CNTN3: variants seen among roughly 807,000 people sequenced by gnomAD.
CNTN3 encodes contactin 3.
Under a neutral mutation model 119.1 loss-of-function variants are expected in CNTN3, and 60 were observed. That is an observed-to-expected ratio of 0.50 (90% confidence interval 0.41 to 0.62). CNTN3 has a LOEUF of 0.62. CNTN3 is among the 20% of genes least tolerant of loss of function. The pLI, the probability that CNTN3 is intolerant of heterozygous loss-of-function variation, is 0.00. For synonymous variants in CNTN3, 450 were observed against 438.7 expected, an observed-to-expected ratio of 1.03 and a Z score of -0.32; for missense variants, 1,101 against 1,242.4, an observed-to-expected ratio of 0.89 and a Z score of 1.71.
intron 5 of CNTN3, among the ~76,000 whole-genome samples, chr3:74,388,734 G>A (rs1001265595): frequency 4.6e-5 from 7 of 152,068 alleles, no homozygotes; most frequent in Admixed American, 6.6e-5. Context: ...AAGATAAAAC[G>A]GACTGGCCTT....
chr3:74,356,459 G>C (rs149565362), intron 11 of CNTN3, among the ~76,000 whole-genome samples: 1 of 152,086 alleles, frequency 6.6e-6, no homozygotes, highest in Non-Finnish European at 1.5e-5. Flanking sequence ...CCCTAATTTG[G>C]AGATAAGAGC....
chr3:74,349,998 A>G (rs997900129), intron 11 of CNTN3, among the ~76,000 whole-genome samples: 1 of 152,222 alleles, frequency 6.6e-6, no homozygotes, highest in African/African-American at 2.4e-5. Flanking sequence ...CTGACGAAAT[A>G]TATTTTAAGG....
chr3:74,371,390 T>C lies in CNTN3; in HGVS notation c.464A>G (p.Tyr155Cys), dbSNP rs754428124. Residue 155 changes from tyrosine (Y) to cysteine (C), a missense_variant, in exon 6 of 23, where the codon TAT becomes TGT. Coordinates refer to ENST00000263665, the MANE Select transcript of CNTN3 (RefSeq NM_020872.3). ...GPPPHSGELS[Y>C]AWIFNEYPSF... Reference sequence around the variant, plus strand: ...TGGGTATTCATTGAAGATCCAAGCATATGACAGTTCTAATAAAATTGTTGA... The same window carrying C: ...TGGGTATTCATTGAAGATCCAAGCACATGACAGTTCTAATAAAATTGTTGA... 7 of 1,611,902 alleles carry C rather than the reference T, an allele frequency of 4.3e-6. No homozygotes were observed. The South Asian group carries it at 7.7e-5, about 18-fold the overall frequency.
intron 1 of CNTN3, among the ~76,000 whole-genome samples, chr3:74,557,740 A>AAG (rs1704092546): frequency 6.6e-6 from 1 of 151,618 alleles, no homozygotes; most frequent in African/African-American, 2.4e-5. Flanking sequence ...AAAAAAAAAA[A>AAG]AAGAAGGAAA....
chr3:74,301,295 G>T, intron 16 of CNTN3, 103 bp downstream of exon 16: 1 of 1,184,600 alleles, frequency 8.4e-7, no homozygotes, highest in East Asian at 2.3e-5. Context: ...CTGCAACAAT[G>T]GATTATTGAG....
At chr3:74,562,518 A>C (rs1397490044) in intron 1 of CNTN3, among the ~76,000 whole-genome samples, 5 of 152,194 alleles carry the variant, frequency 3.3e-5, no homozygotes, top group Admixed American at 3.3e-4. Flanking sequence ...CATGGACACA[A>C]ATTATATCCA....
At chr3:74,320,523 T>TG (rs1324441786) in intron 13 of CNTN3, among the ~76,000 whole-genome samples, 1 of 151,074 alleles carries the variant, frequency 6.6e-6, no homozygotes, top group Admixed American at 6.6e-5. Flanking sequence ...TGTTGTGGGG[T>TG]GGGGGGACGT....
intron 4 of CNTN3, among the ~76,000 whole-genome samples, chr3:74,474,870 G>A (rs957349689): frequency 6.6e-6 from 1 of 152,108 alleles, no homozygotes; most frequent in Non-Finnish European, 1.5e-5. Context: ...TCTTAAAAGT[G>A]TGTGGTTCCT....
At chr3:74,459,745 C>T (rs1300889552) in intron 4 of CNTN3, among the ~76,000 whole-genome samples, 1 of 151,928 alleles carries the variant, frequency 6.6e-6, no homozygotes, top group South Asian at 2.1e-4. Flanking sequence ...GGTAGTGTGC[C>T]CAAATACCCA....
intron 5 of CNTN3, among the ~76,000 whole-genome samples, chr3:74,412,415 G>C (rs9859709): frequency 0.022 from 3,360 of 152,238 alleles, 117 homozygotes; most frequent in African/African-American, 0.076. Context: ...GCTACTTTCA[G>C]ATACTACAGG....
chr3:74,271,315 C>T (rs1278087986), intron 20 of CNTN3, among the ~76,000 whole-genome samples: 1 of 152,100 alleles, frequency 6.6e-6, no homozygotes. Flanking sequence ...ATAAGAGAAA[C>T]TTTTCATAGA....
chr3:74,567,203 C>A (rs771605697), intron 1 of CNTN3, among the ~76,000 whole-genome samples: 1 of 151,914 alleles, frequency 6.6e-6, no homozygotes, highest in Non-Finnish European at 1.5e-5. Flanking sequence ...AGTACAGACA[C>A]AATCACAGTT....
chr3:74,549,910 T>C (rs1261319770), intron 1 of CNTN3, among the ~76,000 whole-genome samples: 1 of 152,236 alleles, frequency 6.6e-6, no homozygotes, highest in Non-Finnish European at 1.5e-5. Flanking sequence ...ACATGCCATC[T>C]GCAGTGGAGA....
intron 4 of CNTN3, among the ~76,000 whole-genome samples, chr3:74,456,586 A>G (rs1702274661): frequency 6.6e-6 from 1 of 152,132 alleles, no homozygotes; most frequent in Non-Finnish European, 1.5e-5. Flanking sequence ...ATTTACCATT[A>G]GGAGGTATGT....
At chr3:74,473,342 A>C (rs1175901387) in intron 4 of CNTN3, among the ~76,000 whole-genome samples, 1 of 152,160 alleles carries the variant, frequency 6.6e-6, no homozygotes, top group Non-Finnish European at 1.5e-5. Flanking sequence ...CAGGTCAGAG[A>C]TCATTAACCA....
At chr3:74,568,437 C>G (rs1391049311) in intron 1 of CNTN3, among the ~76,000 whole-genome samples, 2 of 152,188 alleles carry the variant, frequency 1.3e-5, no homozygotes, top group Non-Finnish European at 2.9e-5. Context: ...TATCTGGAAA[C>G]AGTAAACTGA....
chr3:74,340,081 C>G (rs1298268938), intron 11 of CNTN3, among the ~76,000 whole-genome samples: 1 of 151,978 alleles, frequency 6.6e-6, no homozygotes, highest in Admixed American at 6.6e-5. Context: ...TATGGTATAA[C>G]AACTGTTTAC....
intron 11 of CNTN3, among the ~76,000 whole-genome samples, chr3:74,356,515 T>A (rs947365969): frequency 3.3e-5 from 5 of 152,068 alleles, no homozygotes; most frequent in Non-Finnish European, 7.3e-5. Context: ...CCAATTGAGT[T>A]TTATTGTACC....
At chr3:74,317,466 T>C (rs913794154) in intron 13 of CNTN3, among the ~76,000 whole-genome samples, 1 of 152,190 alleles carries the variant, frequency 6.6e-6, no homozygotes, top group Non-Finnish European at 1.5e-5. Flanking sequence ...GTTTTTGCAG[T>C]GGCTGGTACC....
Sources: gnomAD v4.1 joint callset for allele counts (sites outside exome capture counted in the v4.1 genomes callset) on GRCh38, gnomAD v4.1.1 for gene constraint, MANE v1.5 for transcripts, NCBI Gene and HGNC (gene_info 2026-07-23, HGNC 2026-07-21) for gene names.